Variants in RAB3GAP2 observed in about 807,000 individuals in gnomAD.
The protein encoded by RAB3GAP2 is RAB3 GTPase activating non-catalytic protein subunit 2.
RAB3GAP2 carries 87 observed loss-of-function variants against 185.3 expected under a neutral mutation model. The observed-to-expected ratio is 0.47, with a 90% CI of 0.39 to 0.56. RAB3GAP2 has a LOEUF of 0.56. Ranked by LOEUF, RAB3GAP2 falls within the 20% of genes least tolerant of loss-of-function variation. The pLI, the probability that RAB3GAP2 is intolerant of heterozygous loss-of-function variation, is 0.00. For synonymous variants in RAB3GAP2, 554 were observed against 576.1 expected (o/e 0.96, Z 0.55); for missense variants, 1,492 against 1,638.2 (o/e 0.91, Z 1.54).
intron 2 of RAB3GAP2, among the ~76,000 whole-genome samples, chr1:220,215,329 A>C (rs1406197839): frequency 6.6e-6 from 1 of 152,160 alleles, no homozygotes; most frequent in Non-Finnish European, 1.5e-5. Flanking sequence ...TAATTCCATC[A>C]GCAATTTTTG....
chr1:220,207,893 C>T (rs1251332235), intron 7 of RAB3GAP2: 1 of 152,164 alleles, frequency 6.6e-6, no homozygotes, highest in African/African-American at 2.4e-5. Context: ...AAACGAATGA[C>T]CTGCTGTCAC....
chr1:220,152,369 G>A (rs1657773874), intron 33 of RAB3GAP2, among the ~76,000 whole-genome samples: 2 of 152,142 alleles, frequency 1.3e-5, no homozygotes, highest in Non-Finnish European at 2.9e-5. Context: ...GAGCCACCAC[G>A]CCCAGCCCCT....
intron 28 of RAB3GAP2, among the ~76,000 whole-genome samples, chr1:220,161,818 G>A (rs1657968417): frequency 6.6e-6 from 1 of 152,080 alleles, no homozygotes; most frequent in African/African-American, 2.4e-5. Flanking sequence ...TTATGGGTGA[G>A]GTTTACACAA....
intron 2 of RAB3GAP2, 78 bp downstream of exon 2, chr1:220,232,721 G>C: frequency 3.1e-6 from 4 of 1,286,308 alleles, no homozygotes; most frequent in Middle Eastern, 1.8e-4. Context: ...ATGTCAGCTT[G>C]ACAGGGAAAT....
intron 4 of RAB3GAP2, 69 bp from the exon 5 acceptor site, chr1:220,211,071 G>T: frequency 7.1e-7 from 1 of 1,404,724 alleles, no homozygotes; most frequent in Non-Finnish European, 1.0e-6. Context: ...CTCTATAATT[G>T]GATGTTAAAG....
intron 27 of RAB3GAP2, among the ~76,000 whole-genome samples, chr1:220,164,130 A>G (rs1363501946): frequency 6.6e-6 from 1 of 152,184 alleles, no homozygotes; most frequent in Admixed American, 6.5e-5. Flanking sequence ...ATTCACATCC[A>G]TTATAAGACG....
chr1:220,261,456 A>G (rs771102601), intron 1 of RAB3GAP2, among the ~76,000 whole-genome samples: 1 of 152,218 alleles, frequency 6.6e-6, no homozygotes, highest in Non-Finnish European at 1.5e-5. Context: ...GAATACTGCA[A>G]TAGCCTCCTA....
intron 4 of RAB3GAP2, chr1:220,211,285 TA>T (rs1429471287): frequency 1.7e-6 from 1 of 573,270 alleles, no homozygotes; most frequent in Non-Finnish European, 3.3e-6. Flanking sequence ...AAACTTTACT[TA>T]CACAACTGAC....
In RAB3GAP2 at chr1:220,247,638, T is replaced by C. The variant is rs74509736; in HGVS notation, c.116-14775A>G. Among the ~76,000 whole-genome samples the C allele has an allele frequency of 9.5e-3, 1,440 of 152,248 alleles. 19 individuals carry two copies. The highest frequency in any genetic ancestry group is 0.033 in the African/African-American group (1,385 of 41,538). On this transcript the variant is annotated intron_variant, in intron 1 of 34. Coordinates refer to ENST00000358951, the MANE Select transcript of RAB3GAP2 (RefSeq NM_012414.4). ...GAGATGAAGGATAAAAGACTACATA[T>C]TGGGTACAGTGTACACTGCTCAGGT...
At chr1:220,223,714 A>G (rs1659351251) in intron 2 of RAB3GAP2, among the ~76,000 whole-genome samples, 1 of 151,948 alleles carries the variant, frequency 6.6e-6, no homozygotes, top group Admixed American at 6.6e-5. Flanking sequence ...AAACAATAGC[A>G]CACAGCCAAT....
chr1:220,235,128 G>A (rs889930959), intron 1 of RAB3GAP2, among the ~76,000 whole-genome samples: 3 of 152,170 alleles, frequency 2.0e-5, no homozygotes, highest in East Asian at 1.9e-4. Context: ...TATGCCTCAT[G>A]AAGGGTAAGA....
intron 9 of RAB3GAP2, among the ~76,000 whole-genome samples, chr1:220,199,085 C>G (rs1352409557): frequency 6.6e-6 from 1 of 151,912 alleles, no homozygotes; most frequent in Non-Finnish European, 1.5e-5. Flanking sequence ...CTACAGGAGA[C>G]AGTGTCAGAG....
At chr1:220,189,913 A>G in intron 16 of RAB3GAP2, 146 bp from the exon 17 acceptor site, 2 of 1,055,430 alleles carry the variant, frequency 1.9e-6, no homozygotes, top group South Asian at 1.5e-5. Context: ...GTTATGAATT[A>G]TAACACCCTC....
chr1:220,154,660 A>C (rs1657824145), intron 31 of RAB3GAP2, among the ~76,000 whole-genome samples: 1 of 151,840 alleles, frequency 6.6e-6, no homozygotes, highest in Non-Finnish European at 1.5e-5. Flanking sequence ...ATTTTCAGCC[A>C]AGTTTTGGGA....
intron 1 of RAB3GAP2, among the ~76,000 whole-genome samples, chr1:220,264,242 T>C (rs1376536781): frequency 1.3e-5 from 2 of 152,126 alleles, no homozygotes; most frequent in Non-Finnish European, 2.9e-5. Flanking sequence ...TTAACATTTT[T>C]CTTCTTGCTT....
chr1:220,185,915 A>G (rs1165859985), intron 17 of RAB3GAP2, among the ~76,000 whole-genome samples, 174 bp from the exon 18 acceptor site: 2 of 152,210 alleles, frequency 1.3e-5, no homozygotes, highest in Non-Finnish European at 2.9e-5. Context: ...GTAATATACA[A>G]TCAACTTCAT....
chr1:220,214,576 A>G (rs934853274), intron 2 of RAB3GAP2, among the ~76,000 whole-genome samples: 2 of 152,102 alleles, frequency 1.3e-5, no homozygotes, highest in Non-Finnish European at 2.9e-5. Context: ...ATTCAGCATT[A>G]GGAAATTTAG....
chr1:220,226,063 A>T (rs1478984617), intron 2 of RAB3GAP2, among the ~76,000 whole-genome samples: 1 of 152,188 alleles, frequency 6.6e-6, no homozygotes, highest in Non-Finnish European at 1.5e-5. Context: ...AAACAGATGG[A>T]GCACATTTCA....
chr1:220,245,259 G>C (rs1291090943), intron 1 of RAB3GAP2, among the ~76,000 whole-genome samples: 7 of 152,228 alleles, frequency 4.6e-5, no homozygotes, highest in African/African-American at 1.4e-4. Context: ...TGAGGTACCG[G>C]GTTCATCTCA....
Sources: gnomAD v4.1 joint callset for allele counts (sites outside exome capture counted in the v4.1 genomes callset) on GRCh38, gnomAD v4.1.1 for gene constraint, MANE v1.5 for transcripts, NCBI Gene and HGNC (gene_info 2026-07-23, HGNC 2026-07-21) for gene names.